MIPEP: variants seen among roughly 807,000 people sequenced by gnomAD.
MIPEP encodes the protein mitochondrial intermediate peptidase.
Under a neutral mutation model 90.3 loss-of-function variants are expected in MIPEP, and 79 were observed. The ratio of observed to expected loss-of-function variants is 0.87; its 90% CI spans 0.73 to 1.05. The LOEUF (loss-of-function observed/expected upper bound fraction) is 1.05. MIPEP is among the 50% of genes least tolerant of loss of function. MIPEP has a pLI of 0.00. For missense variants in MIPEP, 940 were observed against 905.6 expected, an observed-to-expected ratio of 1.04 and a Z score of -0.49; for synonymous variants, 334 against 315.8, an observed-to-expected ratio of 1.06 and a Z score of -0.61.
At chr13:23,732,051 G>A (rs1788848129) in intron 18 of MIPEP, among the ~76,000 whole-genome samples, 1 of 145,734 alleles carries the variant, frequency 6.9e-6, no homozygotes, top group African/African-American at 2.5e-5. Context: ...GTGCAGTGGT[G>A]TGAACATGGC....
chr13:23,765,637 G>A (rs886451644), intron 16 of MIPEP, among the ~76,000 whole-genome samples: 2 of 152,178 alleles, frequency 1.3e-5, no homozygotes, highest in Non-Finnish European at 2.9e-5. Context: ...CCAAGGGCAT[G>A]GCCTACATAT....
chr13:23,845,339 A>G (rs1407821567), intron 10 of MIPEP, among the ~76,000 whole-genome samples: 1 of 152,208 alleles, frequency 6.6e-6, no homozygotes, highest in African/African-American at 2.4e-5. Flanking sequence ...GGCAAGGTCA[A>G]TGAGAGCCTG....
At chr13:23,796,820 A>G (rs1251456430) in intron 16 of MIPEP, among the ~76,000 whole-genome samples, 1 of 152,226 alleles carries the variant, frequency 6.6e-6, no homozygotes, top group East Asian at 1.9e-4. Flanking sequence ...TAATCATGGT[A>G]ACAGCAGTGT....
At chr13:23,828,341 A>C (rs1339805998) in intron 14 of MIPEP, among the ~76,000 whole-genome samples, 1 of 152,240 alleles carries the variant, frequency 6.6e-6, no homozygotes, top group Non-Finnish European at 1.5e-5. Context: ...GGAGTAGAAC[A>C]AGGTAAACAG....
intron 14 of MIPEP, among the ~76,000 whole-genome samples, chr13:23,814,342 C>T (rs1004276242): frequency 2.9e-4 from 44 of 152,288 alleles, no homozygotes; most frequent in African/African-American, 1.0e-3. Flanking sequence ...CTGCAAGCTC[C>T]GCCTCCCAGG....
intron 14 of MIPEP, among the ~76,000 whole-genome samples, chr13:23,817,351 G>A (rs368671897): frequency 1.1e-4 from 16 of 152,182 alleles, no homozygotes; most frequent in African/African-American, 3.6e-4. Flanking sequence ...AGACAGCATA[G>A]CTGAGCACTG....
At chr13:23,737,152 T>A (rs1952274788) in intron 18 of MIPEP, among the ~76,000 whole-genome samples, 2 of 152,226 alleles carry the variant, frequency 1.3e-5, no homozygotes, top group Admixed American at 1.3e-4. Context: ...GAGCACACTT[T>A]ACAAGCAGTC....
At chr13:23,772,298 G>A (rs550545390) in intron 16 of MIPEP, among the ~76,000 whole-genome samples, 1 of 121,938 alleles carries the variant, frequency 8.2e-6, no homozygotes, top group South Asian at 3.1e-4. Flanking sequence ...TGATGCAAGA[G>A]TTTTTAGCAA....
Position 23,800,442 on chromosome 13 carries a change from C to T in MIPEP, c.1848+5508G>A, listed in dbSNP as rs141806726. On this transcript the variant is annotated intron_variant, in intron 16 of 18. Transcript: ENST00000382172. ...AAAAACACAACAACACAACACTGTT[C>T]TCTAAATGGAAGAGAAGTGGTAACA... 2.2e-4 allele frequency among the ~76,000 whole-genome samples: 33 copies of T among 152,292 alleles called. No individual in the cohort carries two copies. The East Asian group carries it at 6.0e-3, about 28-fold the overall frequency.
intron 18 of MIPEP, chr13:23,747,487 G>A (rs1010977388): frequency 3.3e-5 from 16 of 486,026 alleles, no homozygotes; most frequent in South Asian, 1.2e-4. Flanking sequence ...GCAGAACCAA[G>A]CACTGTACTA....
chr13:23,881,023 T>C (rs573495338), intron 3 of MIPEP, among the ~76,000 whole-genome samples: 1 of 152,344 alleles, frequency 6.6e-6, no homozygotes, highest in South Asian at 2.1e-4. Context: ...CTGTCCACCA[T>C]TCAGTTATTT....
intron 8 of MIPEP, among the ~76,000 whole-genome samples, chr13:23,863,631 G>A (rs140267906): frequency 1.3e-3 from 194 of 152,100 alleles, no homozygotes; most frequent in African/African-American, 4.5e-3. Flanking sequence ...AAACATGTGT[G>A]GTCCCAAGCA....
intron 15 of MIPEP, among the ~76,000 whole-genome samples, chr13:23,807,848 G>A (rs1873016632): frequency 6.6e-6 from 1 of 151,940 alleles, no homozygotes; most frequent in South Asian, 2.1e-4. Flanking sequence ...ATAAACATGG[G>A]GTAACTTTTT....
chr13:23,857,040 T>G (rs536547616), intron 10 of MIPEP, among the ~76,000 whole-genome samples: 21 of 152,164 alleles, frequency 1.4e-4, no homozygotes, highest in African/African-American at 5.1e-4. Flanking sequence ...TACTCTCCAA[T>G]GTCAAAAATC....
At chr13:23,835,024 C>CTTT (rs57093490) in intron 14 of MIPEP, among the ~76,000 whole-genome samples, 2,650 of 134,760 alleles carry the variant, frequency 0.02, 54 homozygotes, top group African/African-American at 0.028. Context: ...ATCCATTATT[C>CTTT]TTTTTTTTTT....
chr13:23,781,231 A>G (rs575683438), intron 16 of MIPEP, among the ~76,000 whole-genome samples: 1 of 152,252 alleles, frequency 6.6e-6, no homozygotes, highest in South Asian at 2.1e-4. Context: ...ACAAAAGGAA[A>G]CCCATCAGAC....
intron 16 of MIPEP, among the ~76,000 whole-genome samples, chr13:23,776,496 G>A (rs1952718211): frequency 6.6e-6 from 1 of 152,166 alleles, no homozygotes; most frequent in Non-Finnish European, 1.5e-5. Context: ...ATTTATAATA[G>A]TGTTCTCACA....
intron 6 of MIPEP, 118 bp downstream of exon 6, chr13:23,869,895 G>A: frequency 1.5e-6 from 1 of 645,750 alleles, no homozygotes. Flanking sequence ...AAATTTTTAG[G>A]GCTTAGTAAT....
In MIPEP at chr13:23,881,683, G is replaced by A. The variant is rs369795965; in HGVS notation, c.452+16C>T. The stretch of plus-strand genomic sequence containing the variant: ...CCAGGACTTGGCATGGAGGTGGGGA[G>A]GGGAACAGCACATACTTCTCTACCA... On this transcript the variant is annotated intron_variant, in intron 3 of 18. Coordinates refer to ENST00000382172, the MANE Select transcript of MIPEP (RefSeq NM_005932.4). 9.3e-4 allele frequency: 1,487 copies of A among 1,602,006 alleles called. 14 individuals carry two copies. In the South Asian group the frequency reaches 9.5e-3, roughly 10 times the overall value.
Sources: gnomAD v4.1 joint callset for allele counts (sites outside exome capture counted in the v4.1 genomes callset) on GRCh38, gnomAD v4.1.1 for gene constraint, MANE v1.5 for transcripts, NCBI Gene and HGNC (gene_info 2026-07-23, HGNC 2026-07-21) for gene names.